The following ARHGEF4 variants were observed in gnomAD, a reference collection of about 807,000 sequenced individuals.
The protein encoded by ARHGEF4 is Rho guanine nucleotide exchange factor 4, also known as APC-stimulated guanine nucleotide exchange factor 1.
A neutral mutation model predicts 162.0 loss-of-function variants in ARHGEF4; 119 were observed. That is an observed-to-expected ratio of 0.73 (90% CI 0.63 to 0.86). ARHGEF4 has a LOEUF of 0.86. Among genes scored for constraint, ARHGEF4 ranks in the 40% least tolerant of loss-of-function variants. The pLI is 0.00. For missense variants in ARHGEF4, 2,488 were observed against 2,456.0 expected (o/e 1.01, Z -0.28); for synonymous variants, 1,014 against 979.9 (o/e 1.03, Z -0.65).
chr2:131,044,334 C>T lies in ARHGEF4; in HGVS notation c.5193C>T (p.Gly1731=), dbSNP rs368783512. Residue 1731 remains glycine (G), a synonymous_variant, in exon 12 of 14, where the codon GGC becomes GGT. Transcript: ENST00000409359. ...LLRRDVLYYK[G]RLDMDGLEVV... is the part of the protein sequence containing the mutation. ...GCCGCGACGTGTTGTACTACAAGGG[C>T]CGGCTGGACATGGACGGCCTGGAGG... is the stretch of plus-strand genomic sequence containing the variant. 1.6e-5 allele frequency: 25 copies of T among 1,609,838 alleles called. No homozygotes were observed. In the East Asian group the frequency reaches 2.2e-4, roughly 14 times the overall value.
At chr2:130,844,736 G>A (rs1227360288) in intron 1 of ARHGEF4, among the ~76,000 whole-genome samples, 1 of 151,792 alleles carries the variant, frequency 6.6e-6, no homozygotes, top group African/African-American at 2.4e-5. Context: ...GAAAACCAAG[G>A]GAAAGCATGT....
At position 131,040,113 on chromosome 2, in the gene ARHGEF4, A is replaced by G; in HGVS notation, c.4403A>G (p.Asp1468Gly). ...DGGAEAQSSK[D>G]QMRTNVINEI... ...GGGGCGGAGGCGCAGAGCAGCAAGG[A>G]CCAGATGCGGACCAACGTCATCAAC... Residue 1468 changes from aspartate to glycine, a missense_variant, in exon 7 of 14, where the codon GAC becomes GGC. By Grantham distance (94) the Asp-to-Gly change is moderately conservative (BLOSUM62 -1). Around this residue, in one of 6 missense-constraint regions of ARHGEF4, gnomAD observed 174 missense variants for 148.3 expected, o/e 1.17. Transcript: ENST00000409359. 3.7e-6 allele frequency: 6 copies of G among 1,612,400 alleles called. No individual in the cohort carries two copies. The highest frequency in any genetic ancestry group is 5.1e-6 in the Non-Finnish European group (6 of 1,179,032).
At chr2:130,925,077 T>C (rs867666225) in intron 2 of ARHGEF4, among the ~76,000 whole-genome samples, 15 of 134,506 alleles carry the variant, frequency 1.1e-4, no homozygotes, top group East Asian at 4.2e-4. Flanking sequence ...TGTGTGTGTG[T>C]GTGCGTCTGA....
At chr2:130,964,391 A>C (rs561714076) in intron 4 of ARHGEF4, 5 of 320,764 alleles carry the variant, frequency 1.6e-5, no homozygotes, top group African/African-American at 4.7e-5. Flanking sequence ...CTTCCTTCCC[A>C]TTGCTTCGCC....
At chr2:130,855,636 T>G (rs960367290) in intron 1 of ARHGEF4, among the ~76,000 whole-genome samples, 2 of 152,126 alleles carry the variant, frequency 1.3e-5, no homozygotes, top group African/African-American at 4.8e-5. Context: ...TGACTGAACT[T>G]AACTATTCAG....
At position 130,860,411 on chromosome 2, in the gene ARHGEF4, C is replaced by G. The variant is rs1296373982; in HGVS notation, c.39+23419C>G. Among the ~76,000 whole-genome samples the G allele has an allele frequency of 1.8e-4, 12 of 67,556 alleles. 2 individuals carry two copies. Among genetic ancestry groups the G allele is most frequent in the Middle Eastern group, 0.011 (2 of 184 alleles). The allele number at this position is 67,556 out of a possible 152,430, so 44.3% of individuals were successfully genotyped here. The stretch of plus-strand genomic sequence containing the variant: ...ATCCATAGGGTGGAATACTGCTCAA[C>G]AACAAGAGTGAGTTAGGCGGGGCAC... On this transcript the variant is annotated intron_variant, in intron 1 of 13. Coordinates refer to ENST00000409359, the MANE Select transcript of ARHGEF4 (RefSeq NM_001367493.1).
chr2:131,043,064 T>C (rs771168815), intron 10 of ARHGEF4, among the ~76,000 whole-genome samples: 4 of 152,230 alleles, frequency 2.6e-5, no homozygotes, highest in Non-Finnish European at 5.9e-5. Flanking sequence ...GTGAATTTAA[T>C]TTTAATAATG....
chr2:130,837,238 GC>G (rs1232917299), intron 1 of ARHGEF4, among the ~76,000 whole-genome samples: 3 of 152,116 alleles, frequency 2.0e-5, no homozygotes, highest in Non-Finnish European at 4.4e-5. Context: ...AGGGACGGCG[GC>G]CCGGGGCGAG....
intron 1 of ARHGEF4, among the ~76,000 whole-genome samples, chr2:130,847,046 G>A (rs1158625239): frequency 6.6e-6 from 1 of 152,176 alleles, no homozygotes; most frequent in Non-Finnish European, 1.5e-5. Flanking sequence ...AAGCCTGGGT[G>A]TAATTCTGAT....
At chr2:130,837,082 G>A in intron 1 of ARHGEF4, 90 bp downstream of exon 1, 28 of 1,185,060 alleles carry the variant, frequency 2.4e-5, no homozygotes, top group Non-Finnish European at 3.0e-5. Flanking sequence ...GCTGCGCCCC[G>A]GGCCGTCCCC....
At chr2:130,984,910 C>T (rs1467726343) in intron 4 of ARHGEF4, among the ~76,000 whole-genome samples, 1 of 152,200 alleles carries the variant, frequency 6.6e-6, no homozygotes, top group African/African-American at 2.4e-5. Flanking sequence ...AGGAGCTGAT[C>T]CTGCTGTCTG....
chr2:131,017,479 A>C (rs1688843791), intron 4 of ARHGEF4, among the ~76,000 whole-genome samples: 1 of 152,198 alleles, frequency 6.6e-6, no homozygotes, highest in African/African-American at 2.4e-5. Flanking sequence ...ACTCATGTTG[A>C]AACTCGCTTT....
chr2:131,034,126 C>T (rs1690054978), intron 5 of ARHGEF4, among the ~76,000 whole-genome samples: 1 of 152,158 alleles, frequency 6.6e-6, no homozygotes, highest in Admixed American at 6.5e-5. Flanking sequence ...CAAAGTCACT[C>T]CCATGGGAAC....
chr2:130,985,376 C>T (rs1271635671), intron 4 of ARHGEF4, among the ~76,000 whole-genome samples: 2 of 152,162 alleles, frequency 1.3e-5, no homozygotes, highest in Non-Finnish European at 2.9e-5. Flanking sequence ...CTGCTCACCA[C>T]ACAGAAAACC....
At chr2:130,877,854 G>A (rs1470303437) in intron 1 of ARHGEF4, among the ~76,000 whole-genome samples, 3 of 152,098 alleles carry the variant, frequency 2.0e-5, no homozygotes, top group Non-Finnish European at 4.4e-5. Context: ...GAATGTCAGC[G>A]CCATGGGGTT....
intron 3 of ARHGEF4, among the ~76,000 whole-genome samples, chr2:130,937,860 G>A (rs976312474): frequency 2.0e-5 from 3 of 151,884 alleles, no homozygotes; most frequent in African/African-American, 7.3e-5. Context: ...GTAGAGATGG[G>A]GTTTCACCGT....
chr2:131,029,216 AGGCATGGT>A (rs1035679221), intron 5 of ARHGEF4, among the ~76,000 whole-genome samples: 1 of 152,002 alleles, frequency 6.6e-6, no homozygotes, highest in African/African-American at 2.4e-5. Context: ...AAAATTAGCC[AGGCATGGT>A]GGCGGGCACC....
intron 1 of ARHGEF4, among the ~76,000 whole-genome samples, chr2:130,875,103 T>C (rs867265514): frequency 6.6e-6 from 1 of 152,212 alleles, no homozygotes; most frequent in African/African-American, 2.4e-5. Context: ...GAAAATATTC[T>C]GATTTTCCTT....
intron 1 of ARHGEF4, among the ~76,000 whole-genome samples, chr2:130,871,601 A>G (rs1378335487): frequency 6.6e-6 from 1 of 151,032 alleles, no homozygotes; most frequent in South Asian, 2.1e-4. Context: ...ATGCATACAC[A>G]CACACACACA....
Sources: allele counts gnomAD v4.1 joint callset (sites outside exome capture counted in the v4.1 genomes callset), GRCh38; gene constraint gnomAD v4.1.1; regional missense constraint gnomAD v4.1.1; transcripts MANE v1.5; gene names NCBI Gene and HGNC (gene_info 2026-07-23, HGNC 2026-07-21).